OGG1: variants seen among roughly 807,000 people sequenced by gnomAD.
The protein encoded by OGG1 is N-glycosylase/DNA lyase.
In OGG1, 35 loss-of-function variants were observed where a neutral mutation model predicts 42.3. That is an observed-to-expected ratio of 0.83 (90% confidence interval 0.63 to 1.10). OGG1 has a LOEUF of 1.10. OGG1 is among the 50% of genes least tolerant of loss of function. The pLI is 0.00. For synonymous variants in OGG1, 189 were observed against 179.0 expected (o/e 1.06, Z -0.44); for missense variants, 484 against 446.7 (o/e 1.08, Z -0.75).
rs1413977901 is a variant in OGG1, at chr3:9,776,378, TTTTTC to T, written c.295-5125_295-5121del. On this transcript the variant is annotated intron_variant, in intron 2 of 3. Transcript: ENST00000426518. ...AACTTTGCACAGTCTTCTTTTTTCTTTTTTCTTTTCTTTTTTTTTTTTTTTTTTTG... is the reference window on the plus strand; with the variant it reads ...AACTTTGCACAGTCTTCTTTTTTCTTTTTTCTTTTTTTTTTTTTTTTTTTG... Among the ~76,000 whole-genome samples, 4 of 148,868 alleles carry T rather than the reference TTTTTC, an allele frequency of 2.7e-5. No homozygotes were observed. In the East Asian group the frequency reaches 8.0e-4, roughly 30 times the overall value.
intron 3 of OGG1, 49 bp downstream of exon 3, chr3:9,751,998 T>G: frequency 6.4e-7 from 1 of 1,555,428 alleles, no homozygotes; most frequent in Non-Finnish European, 8.9e-7. Flanking sequence ...GCTTTCAAGA[T>G]CTGTTCATTT....
chr3:9,760,741 G>A (rs765378672), downstream of OGG1: 54 of 1,613,974 alleles, frequency 3.3e-5, no homozygotes, highest in South Asian at 2.3e-4. Flanking sequence ...CATCATTCTC[G>A]TCATAGAAGG....
At chr3:9,750,566 C>A in intron 1 of OGG1, 143 bp downstream of exon 1, 2 of 1,120,524 alleles carry the variant, frequency 1.8e-6, no homozygotes, top group Non-Finnish European at 2.6e-6. Flanking sequence ...GGTAGCCAAC[C>A]TGTTACCTTT....
downstream of OGG1, chr3:9,789,639 T>A (rs192200343): frequency 5.3e-5 from 86 of 1,612,430 alleles, no homozygotes; most frequent in Non-Finnish European, 7.0e-5. Flanking sequence ...AGATCCTGAG[T>A]GGGCGCCCCT....
rs1007503426 is a variant in OGG1, at chr3:9,765,990, A to C, written c.*159A>C. On this transcript the variant is annotated 3_prime_UTR_variant, in exon 8 of 8. Transcript: ENST00000302008. ...GGGTTCTGTGACCACTGCTGGACCA[A>C]GGACGTGGATGACCCTCCCCTAGTC... is the stretch of plus-strand genomic sequence containing the variant. 1.9e-6 allele frequency: 3 copies of C among 1,614,186 alleles called. No homozygotes were observed. In the South Asian group the frequency reaches 3.3e-5, roughly 18 times the overall value.
At position 9,757,217 on chromosome 3, in the gene OGG1, A is replaced by C; in HGVS notation, c.*67A>C. The C allele has an allele frequency of 6.2e-7, 1 of 1,613,522 alleles. No individual in the cohort carries two copies. The highest frequency in any genetic ancestry group is 1.3e-5 in the African/African-American group (1 of 74,910). ...CTCCATTCCCCACTTCTCTCTCCCC[A>C]TCCCCACCCAGTCTCATGTTGGGGA... On this transcript the variant is annotated 3_prime_UTR_variant, in exon 7 of 7. Transcript: ENST00000344629. The surrounding 1 kb of genome is among the most constrained non-coding windows in gnomAD (Gnocchi z 4.5).
chr3:9,750,198 G>T lies in OGG1; in HGVS notation c.-89G>T. 1 of 1,515,598 alleles carries T rather than the reference G, an allele frequency of 6.6e-7. No homozygotes were observed. The highest frequency in any genetic ancestry group is 8.9e-7 in the Non-Finnish European group (1 of 1,126,624). 93.9% of individuals were successfully genotyped at this position (1,515,598 alleles called of 1,614,324 possible). A position where few individuals can be genotyped will look rare whatever the true frequency, so the allele number is the denominator to read the frequency against. On this transcript the variant is annotated 5_prime_UTR_variant, in exon 1 of 7. Transcript: ENST00000344629. ...CCGTGTGGGCGAGGCCTTAAGGGTC[G>T]TGGTCCTTGTCTGGGCGGGGTCTTT...
chr3:9,790,076 C>T, downstream of OGG1: 1 of 1,340,590 alleles, frequency 7.5e-7, no homozygotes, highest in Non-Finnish European at 9.9e-7. Flanking sequence ...GGTCTTTCCC[C>T]ATCCTCTTTT....
At chr3:9,775,234 GTC>G (rs2078350089) in intron 2 of OGG1, among the ~76,000 whole-genome samples, 1 of 151,344 alleles carries the variant, frequency 6.6e-6, no homozygotes, top group Admixed American at 6.6e-5. Context: ...GCAAGACCCT[GTC>G]TCAAAAAAAA....
intron 1 of OGG1, 50 bp from the exon 2 acceptor site, chr3:9,750,895 G>A (rs1252616277): frequency 1.2e-6 from 2 of 1,612,030 alleles, no homozygotes; most frequent in South Asian, 2.2e-5. Flanking sequence ...ACCCCAAAGG[G>A]TGCAAGAAAG....
chr3:9,786,864 T>C, intron 3 of OGG1: 1 of 686,090 alleles, frequency 1.5e-6, no homozygotes, highest in Non-Finnish European at 2.5e-6. Flanking sequence ...TCTTTTGCTA[T>C]ATATTAGTCC....
intron 2 of OGG1, among the ~76,000 whole-genome samples, chr3:9,774,703 C>T (rs997094569): frequency 6.6e-6 from 1 of 152,120 alleles, no homozygotes; most frequent in Non-Finnish European, 1.5e-5. Context: ...AATAGAAGGT[C>T]ATTTGCAGCC....
At chr3:9,766,555 C>A in exon 8 of OGG1, 1 of 690,596 alleles carries the variant, frequency 1.4e-6, no homozygotes, top group Non-Finnish European at 2.0e-6. Context: ...TGCAGTTTAA[C>A]AAAATCCTCA....
intron 3 of OGG1, among the ~76,000 whole-genome samples, chr3:9,752,382 AAT>A (rs1309589784): frequency 1.3e-5 from 2 of 152,092 alleles, no homozygotes; most frequent in African/African-American, 2.4e-5. Flanking sequence ...TGAAGAAAGG[AAT>A]ATACATACTG....
downstream of OGG1, among the ~76,000 whole-genome samples, chr3:9,767,111 A>G (rs993438751): frequency 6.6e-6 from 1 of 152,036 alleles, no homozygotes; most frequent in African/African-American, 2.4e-5. Context: ...TTCCTCTCTG[A>G]CAAGTGCACA....
chr3:9,784,728 G>T (rs963722534), intron 3 of OGG1, among the ~76,000 whole-genome samples: 3 of 151,996 alleles, frequency 2.0e-5, no homozygotes, highest in African/African-American at 7.2e-5. Flanking sequence ...AGCCATACAT[G>T]GTGGCAGGCG....
chr3:9,760,813 T>C, downstream of OGG1: 1 of 1,611,418 alleles, frequency 6.2e-7, no homozygotes, highest in African/African-American at 1.3e-5. Context: ...TCGGGTGCCG[T>C]TGGCTCCGGG....
intron 3 of OGG1, among the ~76,000 whole-genome samples, chr3:9,754,021 C>G (rs2077426599): frequency 6.6e-6 from 1 of 152,120 alleles, no homozygotes; most frequent in African/African-American, 2.4e-5. Flanking sequence ...AGCCTGTAGT[C>G]TCAGCTACTC....
In OGG1 at chr3:9,756,513, G is replaced by C. The variant is rs560032348; in HGVS notation, c.790G>C (p.Ala264Pro). 6.2e-7 allele frequency: 1 copy of C among 1,614,140 alleles called. No individual in the cohort carries two copies. The highest frequency in any genetic ancestry group is 1.3e-5 in the African/African-American group (1 of 75,048). ...CCTGATGGCCCTAGACAAGCCCCAG[G>C]CTGTGCCCGTGGATGTCCATATGTG... The part of the protein sequence containing the change: ...ICLMALDKPQ[A>P]VPVDVHMWHI... The change falls in exon 5 of 7, where the codon GCT becomes CCT. Residue 264 changes from alanine to proline, a missense_variant. By Grantham distance (27) the Ala-to-Pro change is conservative. Coordinates refer to ENST00000344629, the MANE Select transcript of OGG1 (RefSeq NM_002542.6).
Sources: gnomAD v4.1 joint callset for allele counts (sites outside exome capture counted in the v4.1 genomes callset) on GRCh38, gnomAD v4.1.1 for gene constraint, Gnocchi (gnomAD v3.1) non-coding constraint, MANE v1.5 for transcripts, NCBI Gene and HGNC (gene_info 2026-07-23, HGNC 2026-07-21) for gene names.